FYCO1: variants seen among roughly 807,000 people sequenced by gnomAD.
The protein encoded by FYCO1 is FYVE and coiled-coil domain-containing protein 1.
Under a neutral mutation model 165.1 loss-of-function variants are expected in FYCO1, and 122 were observed. That is an observed-to-expected ratio of 0.74 (90% CI 0.64 to 0.86). The LOEUF (loss-of-function observed/expected upper bound fraction) is 0.86. FYCO1 is among the 40% of genes least tolerant of loss of function. FYCO1 has a pLI of 0.00. For missense variants in FYCO1, 1,702 were observed against 1,810.3 expected, an observed-to-expected ratio of 0.94 and a Z score of 1.09; for synonymous variants, 648 against 742.5, an observed-to-expected ratio of 0.87 and a Z score of 2.07.
chr3:45,939,916 G>T (rs985987848), intron 14 of FYCO1, among the ~76,000 whole-genome samples: 1 of 152,178 alleles, frequency 6.6e-6, no homozygotes, highest in Non-Finnish European at 1.5e-5. Flanking sequence ...AATTCAAGTG[G>T]CACTAGCCAC....
chr3:45,961,671 G>T (rs942610685), intron 11 of FYCO1, among the ~76,000 whole-genome samples: 2 of 152,130 alleles, frequency 1.3e-5, no homozygotes, highest in Admixed American at 6.5e-5. Flanking sequence ...GATATGTCTG[G>T]GATTTGCTTC....
At chr3:45,940,743 C>T (rs1704175793) in intron 14 of FYCO1, among the ~76,000 whole-genome samples, 1 of 152,110 alleles carries the variant, frequency 6.6e-6, no homozygotes, top group African/African-American at 2.4e-5. Flanking sequence ...TAAAACTTGC[C>T]TCAGTCTCTC....
At chr3:45,939,181 G>A (rs17078449) in intron 14 of FYCO1, among the ~76,000 whole-genome samples, 29,040 of 150,214 alleles carry the variant, frequency 0.19, 2,899 homozygotes, top group East Asian at 0.31. Flanking sequence ...GTTCTAGTCC[G>A]TCAACTTGTC....
At chr3:45,946,514 G>T in intron 14 of FYCO1, 1 of 1,614,112 alleles carries the variant, frequency 6.2e-7, no homozygotes, top group Non-Finnish European at 8.5e-7. Context: ...AAGACTATGG[G>T]TTCAGCAGTT....
chr3:45,946,890 G>T, intron 14 of FYCO1: 3 of 1,614,218 alleles, frequency 1.9e-6, no homozygotes, highest in Non-Finnish European at 1.7e-6. Flanking sequence ...GGCCACCAAG[G>T]CCTACAACCA....
chr3:45,974,273 T>C (rs1706605567), intron 5 of FYCO1, among the ~76,000 whole-genome samples: 1 of 152,144 alleles, frequency 6.6e-6, no homozygotes, highest in South Asian at 2.1e-4. Flanking sequence ...ACTCGAAGGC[T>C]GAGGTAAGAA....
chr3:45,954,005 G>T (rs1705175163), intron 14 of FYCO1, among the ~76,000 whole-genome samples: 1 of 152,288 alleles, frequency 6.6e-6, no homozygotes, highest in South Asian at 2.1e-4. Flanking sequence ...GAGCCTCATG[G>T]ACAAAGCCAA....
rs1273158990 is a variant in FYCO1, at chr3:45,921,688, T to TA, written c.*76dup. 9.4e-6 allele frequency: 10 copies of TA among 1,062,094 alleles called. No homozygotes were observed. Among genetic ancestry groups the TA allele is most frequent in the Admixed American group, 6.8e-5 (4 of 58,858 alleles). 65.8% of individuals were successfully genotyped at this position (1,062,094 alleles called of 1,614,324 possible). A position where few individuals can be genotyped will look rare whatever the true frequency, so the allele number is the denominator to read the frequency against. On this transcript the variant is annotated 3_prime_UTR_variant, in exon 18 of 18. Coordinates refer to ENST00000296137, the MANE Select transcript of FYCO1 (RefSeq NM_024513.4). ...GATGATTTTGGAGCAGCTGACTTTT[T>TA]AAAAAAATGCTTTATGTGACAGGTG... is the stretch of plus-strand genomic sequence containing the variant.
intron 14 of FYCO1, among the ~76,000 whole-genome samples, chr3:45,954,386 A>G (rs1332341534): frequency 2.0e-5 from 3 of 151,886 alleles, no homozygotes; most frequent in Non-Finnish European, 2.9e-5. Context: ...TGTTCTCCCA[A>G]CCCCTATAGT....
rs142098311 is a variant in FYCO1 at position 45,966,368 on chromosome 3, G to A, written c.2966C>T (p.Ala989Val). The change falls in exon 8 of 18, where the codon GCC (alanine) becomes GTC (valine). Residue 989 changes from alanine (A) to valine (V), a missense_variant. Coordinates refer to ENST00000296137, the MANE Select transcript of FYCO1 (RefSeq NM_024513.4). The stretch of plus-strand genomic sequence containing the variant: ...GTGTGCAGCCTCTTGGAGGCTCTGG[G>A]CCCGCTGCTCTGCCTGGGCGAGCTG... ...QAQLAQAEQR[A>V]QSLQEAAHQE... is the part of the protein sequence containing the mutation. The A allele has an allele frequency of 1.5e-4, 247 of 1,614,170 alleles. No individual in the cohort carries two copies. The highest frequency in any genetic ancestry group is 2.0e-4 in the Non-Finnish European group (237 of 1,180,008).
intron 13 of FYCO1, 65 bp from the exon 14 acceptor site, chr3:45,955,458 G>A (rs1400406633): frequency 1.3e-6 from 2 of 1,587,820 alleles, no homozygotes; most frequent in African/African-American, 2.7e-5. Flanking sequence ...GGCTGGGTAA[G>A]GGCCCTTGGG....
At chr3:45,994,309 T>G (rs914457823) in intron 1 of FYCO1, among the ~76,000 whole-genome samples, 3 of 152,216 alleles carry the variant, frequency 2.0e-5, no homozygotes, top group Admixed American at 6.5e-5. Context: ...ATGTTTATTT[T>G]TCTAATAAAA....
chr3:45,975,547 C>T (rs1575379702), intron 4 of FYCO1, among the ~76,000 whole-genome samples: 1 of 152,222 alleles, frequency 6.6e-6, no homozygotes, highest in East Asian at 1.9e-4. Context: ...GAACTACTTG[C>T]AGGCCTTCAT....
At chr3:45,957,944 A>G (rs1417092500) in intron 13 of FYCO1, among the ~76,000 whole-genome samples, 1 of 152,274 alleles carries the variant, frequency 6.6e-6, no homozygotes, top group Non-Finnish European at 1.5e-5. Context: ...GCAGAACCCA[A>G]ACTCTACTTC....
At chr3:45,933,982 A>G (rs1045621038) in intron 15 of FYCO1, among the ~76,000 whole-genome samples, 21 of 150,356 alleles carry the variant, frequency 1.4e-4, no homozygotes, top group Non-Finnish European at 3.0e-4. Flanking sequence ...AAATAATTAC[A>G]ATAACCAAAA....
rs1461159982 is a variant in FYCO1 at position 45,919,840 on chromosome 3, A to G, written c.*1925T>C. ...AAGTTAGCATGATTTGTTCTGAATC[A>G]TCTCAGGCCACGTGGCATGCCTGTG... On this transcript the variant is annotated 3_prime_UTR_variant, in exon 18 of 18. Transcript: ENST00000296137. 1 of 152,258 alleles carries G rather than the reference A, an allele frequency of 6.6e-6. No homozygotes were observed. The highest frequency in any genetic ancestry group is 2.4e-5 in the African/African-American group (1 of 41,470). The allele number at this position is 152,258 out of a possible 1,614,324, so 9.4% of individuals were successfully genotyped here.
At position 45,967,868 on chromosome 3, in the gene FYCO1, T is replaced by C. The variant is rs773633475; in HGVS notation, c.1466A>G (p.Glu489Gly). ...TTGCTGTTTTTTCTCCCGCCTCAAC[T>C]CTGCTAGCTCCTCCTCCCAGGAGCT... ...HTSSWEEELA[E>G]LRREKKQQQE... The change falls in exon 8 of 18, where the codon GAG becomes GGG. Residue 489 changes from glutamate (E) to glycine (G), a missense_variant. Glu to Gly is a moderately conservative substitution (Grantham distance 98, BLOSUM62 -2). Transcript: ENST00000296137. 1 of 1,614,092 alleles carries C rather than the reference T, an allele frequency of 6.2e-7. No homozygotes were observed.
Position 45,968,429 on chromosome 3 carries a change from C to T in FYCO1, c.905G>A (p.Trp302Ter), listed in dbSNP as rs1376716957. The T allele has an allele frequency of 6.2e-7, 1 of 1,613,940 alleles. No individual in the cohort carries two copies. The highest frequency in any genetic ancestry group is 1.1e-5 in the South Asian group (1 of 91,086). The change falls in exon 8 of 18, where the codon TGG (tryptophan) becomes TAG (stop). Residue 302 changes from tryptophan (W) to a stop codon, truncating the protein, a stop_gained. Coordinates refer to ENST00000296137, the MANE Select transcript of FYCO1 (RefSeq NM_024513.4). LOFTEE classifies it high-confidence loss of function. Reference protein sequence around the residue: ...TCLVAELQKQWEVTQATQNTV... With the variant: ...TCLVAELQKQ ...GTTCTGGGTGGCCTGGGTGACCTCC[C>T]ACTGCTTCTGGAGCTCAGCTACCAA...
intron 13 of FYCO1, among the ~76,000 whole-genome samples, chr3:45,957,949 T>C (rs1371034565): frequency 6.6e-6 from 1 of 152,238 alleles, no homozygotes; most frequent in African/African-American, 2.4e-5. Context: ...ACCCAAACTC[T>C]ACTTCCTTCA....
Sources: gnomAD v4.1 joint callset for allele counts (sites outside exome capture counted in the v4.1 genomes callset) on GRCh38, gnomAD v4.1.1 for gene constraint, MANE v1.5 for transcripts, NCBI Gene and HGNC (gene_info 2026-07-23, HGNC 2026-07-21) for gene names.